The following SGCD variants were observed in gnomAD, a reference collection of about 807,000 sequenced individuals.
SGCD encodes the protein delta-sarcoglycan.
SGCD carries 18 observed loss-of-function variants against 36.6 expected under a neutral mutation model. That is an observed-to-expected ratio of 0.49 (90% CI 0.34 to 0.73). SGCD has a LOEUF of 0.73. SGCD is among the 30% of genes least tolerant of loss of function. The pLI is 0.01. For synonymous variants in SGCD, 133 were observed against 130.6 expected (o/e 1.02, Z -0.12); for missense variants, 387 against 346.7 (o/e 1.12, Z -0.92).
intron 7 of SGCD, among the ~76,000 whole-genome samples, chr5:156,700,812 A>G (rs1754498106): frequency 1.3e-5 from 2 of 151,856 alleles, no homozygotes; most frequent in African/African-American, 4.8e-5. Context: ...GTGTAGTGGC[A>G]CACCCCTGTG....
intron 1 of SGCD, among the ~76,000 whole-genome samples, chr5:155,979,230 G>A (rs1213388352): frequency 6.6e-6 from 1 of 152,162 alleles, no homozygotes; most frequent in African/African-American, 2.4e-5. Flanking sequence ...GGAATAACGA[G>A]TGCATTAGCC....
intron 1 of SGCD, among the ~76,000 whole-genome samples, chr5:155,972,599 A>G (rs763673197): frequency 6.6e-6 from 1 of 152,132 alleles, no homozygotes; most frequent in African/African-American, 2.4e-5. Context: ...AACTATTTCC[A>G]TAGGGAAAAA....
chr5:155,748,638 G>A, the SGCD span, among the ~76,000 whole-genome samples: 1 of 152,094 alleles, frequency 6.6e-6, no homozygotes, highest in African/African-American at 2.4e-5. Flanking sequence ...GCTCTGTTTG[G>A]AATGATATGA....
At chr5:156,674,675 G>C (rs1164267182) in intron 7 of SGCD, among the ~76,000 whole-genome samples, 1 of 152,132 alleles carries the variant, frequency 6.6e-6, no homozygotes, top group Non-Finnish European at 1.5e-5. Flanking sequence ...TAAGACTCAG[G>C]CTTCAAGTGC....
At position 156,215,625 on chromosome 5, in the gene SGCD, A is replaced by G. The variant is rs1490093693; in HGVS notation, c.-44+91606A>G. Among the ~76,000 whole-genome samples the G allele has an allele frequency of 3.3e-5, 5 of 152,176 alleles. No homozygotes were observed. The East Asian group carries it at 9.6e-4, about 29-fold the overall frequency. On this transcript the variant is annotated intron_variant, in intron 3 of 9. Transcript: ENST00000517913. ...GTAAGAAATGCAAATTAAAACAACA[A>G]TGAGATATCACCTAACACCAGTTAG...
chr5:156,353,463 G>C (rs1397801664), intron 3 of SGCD, among the ~76,000 whole-genome samples: 1 of 152,228 alleles, frequency 6.6e-6, no homozygotes, highest in South Asian at 2.1e-4. Context: ...GAAGGGTAAT[G>C]ATGGAGTGTG....
chr5:156,743,827 T>C (rs1048490085), intron 7 of SGCD, among the ~76,000 whole-genome samples: 8 of 152,214 alleles, frequency 5.3e-5, no homozygotes, highest in Non-Finnish European at 7.3e-5. Context: ...TAAATACCTG[T>C]TTCAGATAAG....
intron 1 of SGCD, among the ~76,000 whole-genome samples, chr5:156,045,126 CA>C (rs1478265267): frequency 2.0e-5 from 3 of 152,134 alleles, no homozygotes; most frequent in Non-Finnish European, 4.4e-5. Context: ...ATCCTTTTAT[CA>C]GGAGCCTACT....
rs530405596 is a variant in SGCD at position 156,609,932 on chromosome 5, A to G, written c.502+14881A>G. Among the ~76,000 whole-genome samples, 9 of 152,178 alleles carry G rather than the reference A, an allele frequency of 5.9e-5. No individual in the cohort carries two copies. The South Asian group carries it at 1.2e-3, about 21-fold the overall frequency. ...AGGACTTCTCTGCATTGGTTATTCT[A>G]GTTAGCCATTTGTCTAATTTTTTTT... is the stretch of plus-strand genomic sequence containing the variant. On this transcript the variant is annotated intron_variant, in intron 6 of 8. Transcript: ENST00000337851.
chr5:156,709,838 C>G (rs950441993), intron 7 of SGCD, among the ~76,000 whole-genome samples: 3 of 151,578 alleles, frequency 2.0e-5, no homozygotes, highest in Non-Finnish European at 4.4e-5. Flanking sequence ...CCCCCTCCCC[C>G]CCGACGCCGC....
At chr5:156,752,613 C>T (rs932820645) in intron 7 of SGCD, among the ~76,000 whole-genome samples, 1 of 152,142 alleles carries the variant, frequency 6.6e-6, no homozygotes, top group Non-Finnish European at 1.5e-5. Flanking sequence ...AGGCTGGTCT[C>T]GAACTCCTGA....
intron 7 of SGCD, among the ~76,000 whole-genome samples, chr5:156,715,680 C>A (rs1755189242): frequency 6.6e-6 from 1 of 152,202 alleles, no homozygotes; most frequent in South Asian, 2.1e-4. Context: ...TTAACTATGT[C>A]ATTTCAGTCT....
chr5:156,273,867 T>C (rs1471066939), intron 3 of SGCD, among the ~76,000 whole-genome samples: 1 of 152,140 alleles, frequency 6.6e-6, no homozygotes, highest in Non-Finnish European at 1.5e-5. Flanking sequence ...CCTTGTACGG[T>C]TGTCATGTTT....
At chr5:156,134,660 C>G (rs1011179891) in intron 3 of SGCD, among the ~76,000 whole-genome samples, 2 of 144,282 alleles carry the variant, frequency 1.4e-5, no homozygotes, top group Non-Finnish European at 3.0e-5. Flanking sequence ...AACACTTGGA[C>G]ACAGGGTGGG....
chr5:156,521,635 T>C (rs1454806182), intron 4 of SGCD, among the ~76,000 whole-genome samples: 1 of 151,976 alleles, frequency 6.6e-6, no homozygotes, highest in Admixed American at 6.6e-5. Context: ...CCAAATCAAA[T>C]CCACAATGAG....
intron 4 of SGCD, among the ~76,000 whole-genome samples, chr5:156,520,378 A>T (rs780575367): frequency 1.3e-5 from 2 of 152,218 alleles, no homozygotes; most frequent in Non-Finnish European, 2.9e-5. Context: ...ACACAAACAA[A>T]TGGAAAAACA....
chr5:156,243,587 G>T (rs113421672), intron 3 of SGCD, among the ~76,000 whole-genome samples: 73 of 152,210 alleles, frequency 4.8e-4, no homozygotes, highest in African/African-American at 1.7e-3. Context: ...TTTCCTATCT[G>T]TCTACTGAGA....
At chr5:156,669,390 T>C (rs555831279) in intron 7 of SGCD, among the ~76,000 whole-genome samples, 38 of 152,294 alleles carry the variant, frequency 2.5e-4, no homozygotes, top group African/African-American at 7.9e-4. Context: ...GATAATGATA[T>C]CCTTAAGAAG....
Position 156,185,293 on chromosome 5 carries a change from T to C in SGCD, c.-44+61274T>C, listed in dbSNP as rs569640701. On this transcript the variant is annotated intron_variant, in intron 3 of 9. Transcript: ENST00000517913. ...GCAGTGGCACAATCTCGGCTCACTG[T>C]AAGCTCCGCCTCCCGGGTTCACACC... Among the ~76,000 whole-genome samples the C allele has an allele frequency of 6.0e-4, 90 of 150,194 alleles. No homozygotes were observed. The East Asian group carries it at 8.1e-3, about 13-fold the overall frequency.
Sources: gnomAD v4.1 joint callset for allele counts (sites outside exome capture counted in the v4.1 genomes callset) on GRCh38, gnomAD v4.1.1 for gene constraint, MANE v1.5 for transcripts, NCBI Gene and HGNC (gene_info 2026-07-23, HGNC 2026-07-21) for gene names.